SLC38A9: variants seen among roughly 807,000 people sequenced by gnomAD.
The protein encoded by SLC38A9 is neutral amino acid transporter 9.
Under a neutral mutation model 62.3 loss-of-function variants are expected in SLC38A9, and 48 were observed. The observed-to-expected ratio is 0.77, with a 90% CI of 0.61 to 0.98. The LOEUF is 0.98. Among genes scored for constraint, SLC38A9 ranks in the 50% least tolerant of loss-of-function variants. The pLI is 0.00. For synonymous variants in SLC38A9, 204 were observed against 227.7 expected (o/e 0.90, Z 0.94); for missense variants, 541 against 679.8 (o/e 0.80, Z 2.27).
At chr5:55,629,380 A>G (rs1379975132) in intron 14 of SLC38A9, among the ~76,000 whole-genome samples, 1 of 152,090 alleles carries the variant, frequency 6.6e-6, no homozygotes, top group African/African-American at 2.4e-5. Context: ...CATGCTTTCT[A>G]TACTCTATTC....
In SLC38A9 at chr5:55,652,597, A is replaced by AG. The variant is rs761060985; in HGVS notation, c.883dup (p.Leu295ProfsTer21). ...GAGCAGTGGGAGGAGGAGCCCTACA[A>AG]GATAAAAGGGGACTGTCCTGGACTT... On this transcript the variant is annotated frameshift_variant, in exon 10 of 16. Coordinates refer to ENST00000396865, the MANE Select transcript of SLC38A9 (RefSeq NM_173514.4). LOFTEE classifies it high-confidence loss of function. The AG allele has an allele frequency of 1.2e-6, 2 of 1,612,726 alleles. No individual in the cohort carries two copies. Among genetic ancestry groups the AG allele is most frequent in the Non-Finnish European group, 1.7e-6 (2 of 1,179,196 alleles).
chr5:55,697,777 G>T, intron 3 of SLC38A9, 69 bp downstream of exon 3: 1 of 743,270 alleles, frequency 1.3e-6, no homozygotes, highest in Non-Finnish European at 2.2e-6. Context: ...TACATGTTTG[G>T]TTATAATTAG....
At chr5:55,651,755 T>A (rs1030691783) in intron 10 of SLC38A9, among the ~76,000 whole-genome samples, 1 of 152,246 alleles carries the variant, frequency 6.6e-6, no homozygotes, top group African/African-American at 2.4e-5. Context: ...TTCTGCACAA[T>A]ACTCTTAGAG....
chr5:55,677,955 T>TGTGTA (rs1752385452), intron 3 of SLC38A9, among the ~76,000 whole-genome samples: 1 of 149,386 alleles, frequency 6.7e-6, no homozygotes, highest in African/African-American at 2.5e-5. Context: ...TGTGTGTGTG[T>TGTGTA]GTGTGTGTAG....
intron 8 of SLC38A9, 89 bp downstream of exon 8, chr5:55,664,604 A>T: frequency 1.5e-6 from 1 of 686,680 alleles, no homozygotes; most frequent in Non-Finnish European, 2.2e-6. Flanking sequence ...TATTTATCCC[A>T]AGTCCTAGAA....
intron 9 of SLC38A9, among the ~76,000 whole-genome samples, chr5:55,654,971 C>T (rs913104973): frequency 2.0e-5 from 3 of 151,958 alleles, no homozygotes; most frequent in African/African-American, 4.8e-5. Context: ...CCGAGTAGCT[C>T]GGACTACAGG....
At position 55,678,138 on chromosome 5, in the gene SLC38A9, G is replaced by GTTTGT. The variant is rs1554063005; in HGVS notation, c.114-5444_114-5443insACAAA. On this transcript the variant is annotated intron_variant, in intron 3 of 15. Transcript: ENST00000396865. Reference sequence around the variant, plus strand: ...CCACAAAAGGTGAACAAGGTTACTGGTTTTTTTTTCTTTTTTTGAGACAGT... The same window carrying GTTTGT: ...CCACAAAAGGTGAACAAGGTTACTGGTTTGTTTTTTTTTTCTTTTTTTGAGACAGT... 6.3e-4 allele frequency among the ~76,000 whole-genome samples: 82 copies of GTTTGT among 129,444 alleles called. 1 individual carries two copies. Among genetic ancestry groups the GTTTGT allele is most frequent in the Non-Finnish European group, 1.2e-3 (72 of 61,860 alleles). The allele number at this position is 129,444 out of a possible 152,430, so 84.9% of individuals were successfully genotyped here.
chr5:55,682,342 C>T (rs1340842140), intron 3 of SLC38A9, among the ~76,000 whole-genome samples: 1 of 152,124 alleles, frequency 6.6e-6, no homozygotes, highest in Non-Finnish European at 1.5e-5. Flanking sequence ...TCCCAAGGCA[C>T]CTGGTCATCA....
intron 3 of SLC38A9, among the ~76,000 whole-genome samples, chr5:55,678,384 G>A (rs1011287875): frequency 2.0e-5 from 3 of 151,978 alleles, no homozygotes; most frequent in African/African-American, 7.2e-5. Context: ...TGTGCCACCC[G>A]CCTTCACCTC....
chr5:55,672,360 A>G (rs888404760), intron 4 of SLC38A9, among the ~76,000 whole-genome samples: 1 of 152,236 alleles, frequency 6.6e-6, no homozygotes, highest in Non-Finnish European at 1.5e-5. Flanking sequence ...TGTTGTCAAC[A>G]TAGAAACATT....
chr5:55,644,345 ATTTG>A (rs1745938129), intron 12 of SLC38A9, among the ~76,000 whole-genome samples: 3 of 26,840 alleles, frequency 1.1e-4, no homozygotes, highest in African/African-American at 2.5e-4. Flanking sequence ...TTTGTTTTCT[ATTTG>A]TCACTATTTG....
intron 12 of SLC38A9, among the ~76,000 whole-genome samples, chr5:55,641,703 A>G (rs1411254020): frequency 1.3e-5 from 2 of 152,212 alleles, no homozygotes; most frequent in African/African-American, 2.4e-5. Flanking sequence ...TCACTGGGAG[A>G]CAAGGAGTTA....
At chr5:55,642,787 T>C (rs1467557927) in intron 12 of SLC38A9, among the ~76,000 whole-genome samples, 1 of 152,198 alleles carries the variant, frequency 6.6e-6, no homozygotes, top group African/African-American at 2.4e-5. Context: ...AAATCCAGAT[T>C]GACTCAAGTC....
chr5:55,672,978 T>C (rs541085928), intron 3 of SLC38A9, among the ~76,000 whole-genome samples: 1 of 152,222 alleles, frequency 6.6e-6, no homozygotes, highest in East Asian at 1.9e-4. Flanking sequence ...TTAAAACAGT[T>C]ATTAAAAAGA....
chr5:55,635,743 T>C, intron 12 of SLC38A9, 86 bp from the exon 13 acceptor site: 1 of 835,112 alleles, frequency 1.2e-6, no homozygotes, highest in Non-Finnish European at 1.9e-6. Context: ...AACAAATAAA[T>C]ATAAAATTTG....
chr5:55,656,666 T>C, intron 9 of SLC38A9, 49 bp downstream of exon 9: 1 of 1,277,666 alleles, frequency 7.8e-7, no homozygotes, highest in Non-Finnish European at 1.1e-6. Context: ...AAATCCTTTT[T>C]GGAGCAAGGT....
At chr5:55,680,207 G>GTA (rs1399138216) in intron 3 of SLC38A9, among the ~76,000 whole-genome samples, 25 of 93,218 alleles carry the variant, frequency 2.7e-4, no homozygotes, top group African/African-American at 8.1e-4. Flanking sequence ...AGGTTTCAGT[G>GTA]TATATATCTA....
At chr5:55,661,563 C>T (rs1376367583) in intron 8 of SLC38A9, among the ~76,000 whole-genome samples, 1 of 150,882 alleles carries the variant, frequency 6.6e-6, no homozygotes, top group Non-Finnish European at 1.5e-5. Context: ...GCTACAATAT[C>T]AATTACTATA....
chr5:55,707,169 G>T (rs1757400885), intron 2 of SLC38A9, among the ~76,000 whole-genome samples: 1 of 152,064 alleles, frequency 6.6e-6, no homozygotes, highest in Non-Finnish European at 1.5e-5. Context: ...GGGATTATAG[G>T]CATGAGCCAC....
Sources: allele counts gnomAD v4.1 joint callset (sites outside exome capture counted in the v4.1 genomes callset), GRCh38; gene constraint gnomAD v4.1.1; transcripts MANE v1.5; gene names NCBI Gene and HGNC (gene_info 2026-07-23, HGNC 2026-07-21).